The following DDX47 variants were observed in gnomAD, a reference collection of about 807,000 sequenced individuals.
The protein encoded by DDX47 is DEAD-box helicase 47, also known as probable ATP-dependent RNA helicase DDX47.
Under a neutral mutation model 58.8 loss-of-function variants are expected in DDX47, and 60 were observed. The observed-to-expected ratio is 1.02, with a 90% CI of 0.83 to 1.26. The LOEUF is 1.26. Among genes scored for constraint, DDX47 ranks in the 50% most tolerant of loss-of-function variants. DDX47 has a pLI of 0.00. For missense variants in DDX47, 530 were observed against 573.2 expected, an observed-to-expected ratio of 0.92 and a Z score of 0.77; for synonymous variants, 197 against 204.6, an observed-to-expected ratio of 0.96 and a Z score of 0.32.
At chr12:12,827,526 T>C (rs935309380) in intron 11 of DDX47, 151 bp downstream of exon 11, 3 of 926,796 alleles carry the variant, frequency 3.2e-6, no homozygotes, top group Non-Finnish European at 4.9e-6. Context: ...AGATGGTAGG[T>C]AATTTGCATT....
At chr12:12,818,962 C>T (rs924207768) in intron 2 of DDX47, among the ~76,000 whole-genome samples, 2 of 152,166 alleles carry the variant, frequency 1.3e-5, no homozygotes, top group African/African-American at 4.8e-5. Flanking sequence ...GGGAGTACGA[C>T]TCAAGATGAG....
At chr12:12,827,211 C>T in intron 10 of DDX47, 35 bp from the exon 11 acceptor site, 6 of 1,602,828 alleles carry the variant, frequency 3.7e-6, no homozygotes, top group African/African-American at 1.3e-5. Context: ...TTTGCGTTAC[C>T]AGGCAACCAG....
chr12:12,826,725 C>G (rs1201290949), intron 10 of DDX47, among the ~76,000 whole-genome samples: 7 of 152,162 alleles, frequency 4.6e-5, no homozygotes, highest in Non-Finnish European at 1.0e-4. Context: ...GCTGGGATTA[C>G]AGGCACAAGC....
intron 11 of DDX47, among the ~76,000 whole-genome samples, 166 bp from the exon 12 acceptor site, chr12:12,829,256 TA>T (rs1159870932): frequency 6.6e-6 from 1 of 152,252 alleles, no homozygotes; most frequent in Non-Finnish European, 1.5e-5. Context: ...TTTTGATTAC[TA>T]ATAAGGTTAA....
chr12:12,827,186 G>C (rs1474722989), intron 10 of DDX47, 60 bp from the exon 11 acceptor site: 5 of 1,579,430 alleles, frequency 3.2e-6, no homozygotes. Context: ...ATAATAGTTT[G>C]GGAATGGACA....
chr12:12,819,896 C>G (rs1862944603), intron 2 of DDX47, among the ~76,000 whole-genome samples: 1 of 152,200 alleles, frequency 6.6e-6, no homozygotes, highest in African/African-American at 2.4e-5. Context: ...GAATTACATC[C>G]AATGTCCCAG....
Position 12,827,276 on chromosome 12 carries a change from A to G in DDX47, c.1137A>G (p.Glu379=), listed in dbSNP as rs765430640. Reference sequence around the variant, plus strand: ...ATGTGGAACTCTTCCAGCGCATAGAACACTTAATTGGGAAGAAACTACCAG... The same window carrying G: ...ATGTGGAACTCTTCCAGCGCATAGAGCACTTAATTGGGAAGAAACTACCAG... ...QYDVELFQRI[E]HLIGKKLPGF... is the part of the protein sequence containing the mutation. The change falls in exon 11 of 12, where the codon GAA becomes GAG. Residue 379 remains glutamate (E), a synonymous_variant. Transcript: ENST00000358007. 2 of 1,614,066 alleles carry G rather than the reference A, an allele frequency of 1.2e-6. No homozygotes were observed. The highest frequency in any genetic ancestry group is 2.7e-5 in the African/African-American group (2 of 74,922).
chr12:12,824,422 C>T (rs1169811739), intron 8 of DDX47, 118 bp from the exon 9 acceptor site: 1 of 1,176,546 alleles, frequency 8.5e-7, no homozygotes, highest in Non-Finnish European at 1.2e-6. Context: ...CCATTCAAAA[C>T]TTAGGGGGAA....
rs371959457 is a variant in DDX47, at chr12:12,824,692, T to C, written c.1035+15T>C. 6.2e-7 allele frequency: 1 copy of C among 1,611,738 alleles called. No individual in the cohort carries two copies. The highest frequency in any genetic ancestry group is 8.5e-7 in the Non-Finnish European group (1 of 1,178,380). ...CCCATTCCAAGGTGAGTCCTATTGC[T>C]AACTTACCTTTCTAGTCCTAAAGTG... On this transcript the variant is annotated intron_variant, in intron 9 of 11. Transcript: ENST00000358007.
intron 4 of DDX47, 57 bp from the exon 5 acceptor site, chr12:12,821,904 TTTTG>T: frequency 7.7e-7 from 1 of 1,294,486 alleles, no homozygotes; most frequent in Non-Finnish European, 1.1e-6. Context: ...TGTTTATTTG[TTTTG>T]TTTTTTTTTT....
intron 2 of DDX47, among the ~76,000 whole-genome samples, chr12:12,815,128 A>G (rs145520039): frequency 5.2e-4 from 79 of 152,326 alleles, no homozygotes; most frequent in African/African-American, 1.9e-3. Flanking sequence ...AGTGAATGTA[A>G]TCATAGCAAT....
chr12:12,820,968 G>A (rs1862960879), intron 2 of DDX47, among the ~76,000 whole-genome samples: 1 of 152,022 alleles, frequency 6.6e-6, no homozygotes. Flanking sequence ...TATTTTGCAG[G>A]GGCTTATATT....
At chr12:12,818,519 TAA>T (rs770903572) in intron 2 of DDX47, among the ~76,000 whole-genome samples, 2 of 143,412 alleles carry the variant, frequency 1.4e-5, no homozygotes, top group African/African-American at 2.5e-5. Flanking sequence ...AGACTCTGTC[TAA>T]AAAAAAAAAA....
At position 12,823,775 on chromosome 12, in the gene DDX47, G is replaced by A. The variant is rs1565447647; in HGVS notation, c.751-95G>A. 4.8e-6 allele frequency: 6 copies of A among 1,249,938 alleles called. No homozygotes were observed. The Admixed American group carries it at 6.8e-5, about 14-fold the overall frequency. The allele number at this position is 1,249,938 out of a possible 1,614,324, so 77.4% of individuals were successfully genotyped here. ...CTGGAGGTCTGGATAATTGAAAAGC[G>A]ACTATAGGCTTAGTCTTTACCTTAT... is the stretch of plus-strand genomic sequence containing the variant. On this transcript the variant is annotated intron_variant, in intron 7 of 11. Transcript: ENST00000358007.
intron 11 of DDX47, among the ~76,000 whole-genome samples, chr12:12,827,863 A>G (rs1863076447): frequency 7.7e-6 from 1 of 130,582 alleles, no homozygotes. Context: ...AAGATCCAAA[A>G]CTTTTCTTTT....
chr12:12,813,531 G>T (rs796701215), intron 1 of DDX47, 77 bp downstream of exon 1: 6 of 1,294,398 alleles, frequency 4.6e-6, no homozygotes, highest in Non-Finnish European at 4.4e-6. Flanking sequence ...CTTAGATCCC[G>T]CTCTGATAGT....
chr12:12,829,791 G>A lies in DDX47; in HGVS notation c.*237G>A. 3 of 383,238 alleles carry A rather than the reference G, an allele frequency of 7.8e-6. No homozygotes were observed. The South Asian group carries it at 1.7e-4, about 21-fold the overall frequency. 23.7% of individuals were successfully genotyped at this position (383,238 alleles called of 1,614,324 possible). A position where few individuals can be genotyped will look rare whatever the true frequency, so the allele number is the denominator to read the frequency against. ...GATTCCTTGCTCATGACATGAGTAG[G>A]GTGTGCTCTTCTGTCACTTCACACA... is the stretch of plus-strand genomic sequence containing the variant. On this transcript the variant is annotated 3_prime_UTR_variant, in exon 12 of 12. Coordinates refer to ENST00000358007, the MANE Select transcript of DDX47 (RefSeq NM_016355.4).
chr12:12,823,150 T>C (rs1862997286), intron 6 of DDX47, 53 bp from the exon 7 acceptor site: 6 of 1,158,308 alleles, frequency 5.2e-6, no homozygotes, highest in Non-Finnish European at 6.5e-6. Context: ...AACCATGTCA[T>C]AAATAAAGAG....
At chr12:12,823,097 G>C in intron 6 of DDX47, 106 bp from the exon 7 acceptor site, 1 of 774,770 alleles carries the variant, frequency 1.3e-6, no homozygotes, top group Non-Finnish European at 2.3e-6. Flanking sequence ...TGACATGTGG[G>C]GATTACAATT....
Sources: allele counts gnomAD v4.1 joint callset (sites outside exome capture counted in the v4.1 genomes callset), GRCh38; gene constraint gnomAD v4.1.1; transcripts MANE v1.5; gene names NCBI Gene and HGNC (gene_info 2026-07-23, HGNC 2026-07-21).